The following CSMD2 variants were observed in gnomAD, a reference collection of about 807,000 sequenced individuals.
The protein encoded by CSMD2 is CUB and sushi domain-containing protein 2.
Under a neutral mutation model 398.5 loss-of-function variants are expected in CSMD2, and 130 were observed. The ratio of observed to expected loss-of-function variants is 0.33; its 90% confidence interval spans 0.28 to 0.38. CSMD2 has a LOEUF of 0.38. Ranked by LOEUF, CSMD2 falls within the 10% of genes least tolerant of loss-of-function variation. The pLI, the probability that CSMD2 is intolerant of heterozygous loss-of-function variation, is 1.00. For missense variants in CSMD2, 3,829 were observed against 4,764.9 expected (o/e 0.80, Z 5.78); for synonymous variants, 1,828 against 1,908.5 (o/e 0.96, Z 1.10).
intron 37 of CSMD2, 57 bp downstream of exon 37, chr1:33,622,110 C>T (rs1416741910): frequency 7.8e-6 from 10 of 1,289,810 alleles, no homozygotes; most frequent in Non-Finnish European, 1.1e-5. Flanking sequence ...AGAAGGGGCT[C>T]AGCAACTTTT....
chr1:34,092,912 C>T (rs1157838165), intron 1 of CSMD2, among the ~76,000 whole-genome samples: 1 of 152,016 alleles, frequency 6.6e-6, no homozygotes, highest in African/African-American at 2.4e-5. Flanking sequence ...CACCACAGCT[C>T]AAGGAGGCCT....
chr1:33,966,611 A>G (rs182704517), intron 3 of CSMD2, among the ~76,000 whole-genome samples: 1 of 152,358 alleles, frequency 6.6e-6, no homozygotes, highest in Admixed American at 6.5e-5. Flanking sequence ...CTGAAAAGTA[A>G]GCGAGGGAGT....
intron 44 of CSMD2, among the ~76,000 whole-genome samples, chr1:33,597,793 A>G (rs941479803): frequency 1.3e-5 from 2 of 152,256 alleles, no homozygotes; most frequent in African/African-American, 4.8e-5. Context: ...AATAAGGAAT[A>G]AGCAACAATG....
At chr1:33,819,634 C>T (rs1657874607) in intron 9 of CSMD2, 79 bp downstream of exon 9, 1 of 1,369,824 alleles carries the variant, frequency 7.3e-7, no homozygotes, top group South Asian at 1.3e-5. Context: ...GCCTGGGCCT[C>T]AGGTGCTGGG....
chr1:34,029,932 T>A (rs12049172), intron 3 of CSMD2, among the ~76,000 whole-genome samples: 1 of 152,162 alleles, frequency 6.6e-6, no homozygotes, highest in Non-Finnish European at 1.5e-5. Flanking sequence ...AGCATTCTCA[T>A]GCCTGGACTG....
chr1:34,113,921 G>T (rs1661347699), intron 1 of CSMD2, among the ~76,000 whole-genome samples: 1 of 152,218 alleles, frequency 6.6e-6, no homozygotes, highest in Non-Finnish European at 1.5e-5. Flanking sequence ...GGAAAGAGAA[G>T]AGCATAGCAT....
At chr1:33,730,732 G>T (rs1253388329) in intron 15 of CSMD2, among the ~76,000 whole-genome samples, 2 of 152,062 alleles carry the variant, frequency 1.3e-5, no homozygotes, top group Admixed American at 6.5e-5. Context: ...TTATATTAAT[G>T]GTGTTGGGAA....
intron 41 of CSMD2, among the ~76,000 whole-genome samples, chr1:33,608,388 A>C (rs1331768290): frequency 6.6e-6 from 1 of 152,168 alleles, no homozygotes; most frequent in Non-Finnish European, 1.5e-5. Context: ...CCCTGGCACA[A>C]TGGTGGCACT....
At chr1:33,657,247 C>G (rs191987209) in intron 27 of CSMD2, among the ~76,000 whole-genome samples, 8 of 152,294 alleles carry the variant, frequency 5.3e-5, no homozygotes, top group Admixed American at 5.2e-4. Context: ...AGGAGGATCA[C>G]TTGAGCCCAG....
At chr1:33,539,263 G>T (rs977185027) in intron 60 of CSMD2, among the ~76,000 whole-genome samples, 2 of 152,088 alleles carry the variant, frequency 1.3e-5, no homozygotes, top group African/African-American at 4.8e-5. Context: ...ACCTCACCCG[G>T]CCAAGAAAGG....
chr1:33,967,747 G>A (rs1645613871), intron 3 of CSMD2, among the ~76,000 whole-genome samples: 5 of 152,202 alleles, frequency 3.3e-5, no homozygotes, highest in Admixed American at 2.0e-4. Flanking sequence ...TCTCTGAGAA[G>A]AGCCCAGATC....
rs35006153 is a variant in CSMD2, at chr1:34,052,168, TAC to T, written c.405-19464_405-19463del. Reference sequence around the variant, plus strand: ...AATTCCTTATAATAAAGCATATGTATACACACACACACACACACACACACACA... The same window carrying T: ...AATTCCTTATAATAAAGCATATGTATACACACACACACACACACACACACA... On this transcript the variant is annotated intron_variant, in intron 2 of 70. Coordinates refer to ENST00000373381, the MANE Select transcript of CSMD2 (RefSeq NM_001281956.2). Among the ~76,000 whole-genome samples the T allele has an allele frequency of 9.2e-3, 1,353 of 146,814 alleles. 9 individuals are homozygous for T. Among genetic ancestry groups the T allele is most frequent in the Non-Finnish European group, 0.012 (784 of 66,550 alleles).
chr1:33,814,446 A>G (rs548387459), intron 9 of CSMD2, among the ~76,000 whole-genome samples: 1 of 151,658 alleles, frequency 6.6e-6, no homozygotes, highest in African/African-American at 2.4e-5. Context: ...CACATGTTCT[A>G]GACATTCCTT....
intron 1 of CSMD2, among the ~76,000 whole-genome samples, chr1:34,159,811 G>A (rs1324882974): frequency 2.6e-5 from 4 of 152,180 alleles, no homozygotes; most frequent in African/African-American, 9.6e-5. Flanking sequence ...GGTAGGTGGG[G>A]AAGGACATGG....
chr1:33,723,656 G>A (rs1299590105), intron 19 of CSMD2, among the ~76,000 whole-genome samples: 1 of 152,226 alleles, frequency 6.6e-6, no homozygotes, highest in African/African-American at 2.4e-5. Flanking sequence ...GGGAGGAGCT[G>A]AGTTATGCAA....
Position 33,671,930 on chromosome 1 carries a change from T to C in CSMD2, c.4053-8838A>G, listed in dbSNP as rs1309939536. 2.6e-5 allele frequency among the ~76,000 whole-genome samples: 4 copies of C among 152,246 alleles called. No homozygotes were observed. In the East Asian group the frequency reaches 7.7e-4, roughly 29 times the overall value. On this transcript the variant is annotated intron_variant, in intron 25 of 70. Transcript: ENST00000373381. ...ACAAAAACAAAAACAAACAAACAAA[T>C]GATTCCCACCTCCCTGCTTATAGGC...
At chr1:33,844,349 A>G (rs968170603) in intron 6 of CSMD2, among the ~76,000 whole-genome samples, 1 of 152,124 alleles carries the variant, frequency 6.6e-6, no homozygotes, top group African/African-American at 2.4e-5. Context: ...TGTGTCTAGC[A>G]TCTAATGGGC....
In CSMD2 at chr1:34,118,758, T is replaced by C. The variant is rs116184798; in HGVS notation, c.188-29565A>G. ...CTTGTGAACTGAAAACTATAGAACA[T>C]TGCTTACAGATATTAAAGAAAACAC... is the stretch of plus-strand genomic sequence containing the variant. On this transcript the variant is annotated intron_variant, in intron 1 of 70. Coordinates refer to ENST00000373381, the MANE Select transcript of CSMD2 (RefSeq NM_001281956.2). 9.7e-3 allele frequency among the ~76,000 whole-genome samples: 1,482 copies of C among 152,282 alleles called. 22 individuals carry two copies. Among genetic ancestry groups the C allele is most frequent in the African/African-American group, 0.034 (1,424 of 41,564 alleles).
chr1:33,822,466 A>G (rs1415431309), intron 7 of CSMD2, among the ~76,000 whole-genome samples: 1 of 152,142 alleles, frequency 6.6e-6, no homozygotes, highest in African/African-American at 2.4e-5. Context: ...GAGGATTTGG[A>G]CAGACTGTGT....
Sources: allele counts gnomAD v4.1 joint callset (sites outside exome capture counted in the v4.1 genomes callset), GRCh38; gene constraint gnomAD v4.1.1; transcripts MANE v1.5; gene names NCBI Gene and HGNC (gene_info 2026-07-23, HGNC 2026-07-21).